The following AUTS2 variants were observed in gnomAD, a reference collection of about 807,000 sequenced individuals.
AUTS2 encodes activator of transcription and developmental regulator AUTS2.
AUTS2 carries 17 observed loss-of-function variants against 112.4 expected under a neutral mutation model. The observed-to-expected ratio is 0.15, with a 90% CI of 0.10 to 0.23. AUTS2 has a LOEUF of 0.23. Ranked by LOEUF, AUTS2 falls within the 10% of genes least tolerant of loss-of-function variation. AUTS2 has a pLI of 1.00. For synonymous variants in AUTS2, 751 were observed against 702.7 expected (o/e 1.07, Z -1.09); for missense variants, 1,510 against 1,701.6 (o/e 0.89, Z 1.98).
intron 2 of AUTS2, among the ~76,000 whole-genome samples, chr7:69,972,623 A>T (rs1043286717): frequency 6.6e-6 from 1 of 151,856 alleles, no homozygotes. Flanking sequence ...AATTTTTTAT[A>T]AGATATGAAA....
At chr7:70,304,620 C>T (rs764997812) in intron 4 of AUTS2, among the ~76,000 whole-genome samples, 8 of 151,964 alleles carry the variant, frequency 5.3e-5, no homozygotes, top group Non-Finnish European at 1.0e-4. Context: ...GGGAAAACTT[C>T]CTGTTGTGAG....
intron 5 of AUTS2, among the ~76,000 whole-genome samples, chr7:70,472,542 T>C (rs1585186090): frequency 6.6e-6 from 1 of 152,238 alleles, no homozygotes; most frequent in East Asian, 1.9e-4. Context: ...TGCATGTAAG[T>C]GTACTAAAAT....
chr7:70,271,060 T>G (rs187898841), intron 4 of AUTS2, among the ~76,000 whole-genome samples: 2 of 151,884 alleles, frequency 1.3e-5, no homozygotes, highest in African/African-American at 4.8e-5. Flanking sequence ...CACCCCGGAG[T>G]TCAGGCTTCT....
chr7:70,222,821 C>T (rs1047916754), intron 4 of AUTS2, among the ~76,000 whole-genome samples: 15 of 151,514 alleles, frequency 9.9e-5, no homozygotes, highest in Non-Finnish European at 2.9e-5. Flanking sequence ...GTTTGCAAAC[C>T]AACTCATAAA....
chr7:69,926,449 A>G (rs151181858), intron 2 of AUTS2, among the ~76,000 whole-genome samples: 560 of 48,700 alleles, frequency 0.011, 2 homozygotes, highest in East Asian at 0.042. Flanking sequence ...CTGTCTGTCT[A>G]TCTATCTATC....
At chr7:70,444,288 A>G (rs1480561477) in intron 5 of AUTS2, among the ~76,000 whole-genome samples, 1 of 150,998 alleles carries the variant, frequency 6.6e-6, no homozygotes. Flanking sequence ...CTTATACTGT[A>G]TTAGGGTTGC....
rs920202603 is a variant in AUTS2, at chr7:70,793,103, G to GC, written c.*2107_*2108insC. The GC allele has an allele frequency of 3.3e-5, 5 of 151,718 alleles. No individual in the cohort carries two copies. The highest frequency in any genetic ancestry group is 1.2e-4 in the African/African-American group (5 of 41,300). 9.4% of individuals were successfully genotyped at this position (151,718 alleles called of 1,614,324 possible). A position where few individuals can be genotyped will look rare whatever the true frequency, so the allele number is the denominator to read the frequency against. ...TTGTGGTTTGTTTTTTGAGGAGGGG[G>GC]GGTTCTGTTAGTTTTTCGTATGTCC... is the stretch of plus-strand genomic sequence containing the variant. On this transcript the variant is annotated 3_prime_UTR_variant, in exon 19 of 19. Coordinates refer to ENST00000342771, the MANE Select transcript of AUTS2 (RefSeq NM_015570.4).
intron 2 of AUTS2, among the ~76,000 whole-genome samples, chr7:70,007,754 A>G (rs913299094): frequency 1.3e-5 from 2 of 152,230 alleles, no homozygotes. Flanking sequence ...TTCAAAGCTC[A>G]TGCTGTTTGT....
chr7:69,679,094 T>A (rs945359246), intron 1 of AUTS2, among the ~76,000 whole-genome samples: 2 of 152,232 alleles, frequency 1.3e-5, no homozygotes, highest in Non-Finnish European at 2.9e-5. Flanking sequence ...AACTATATTA[T>A]CAGGTGTTGG....
At chr7:70,576,762 G>A (rs532159485) in intron 5 of AUTS2, among the ~76,000 whole-genome samples, 43 of 127,050 alleles carry the variant, frequency 3.4e-4, no homozygotes, top group Admixed American at 7.3e-4. Flanking sequence ...TAGTCTTTTC[G>A]TAATATATTA....
intron 4 of AUTS2, among the ~76,000 whole-genome samples, chr7:70,375,029 C>A (rs1464719420): frequency 6.6e-6 from 1 of 152,176 alleles, no homozygotes; most frequent in Non-Finnish European, 1.5e-5. Context: ...CCGATGCTCC[C>A]TGCACCTTTG....
intron 1 of AUTS2, among the ~76,000 whole-genome samples, chr7:69,734,264 T>G (rs1203116785): frequency 1.3e-5 from 2 of 152,012 alleles, no homozygotes; most frequent in African/African-American, 4.8e-5. Flanking sequence ...AACGAAGAGC[T>G]CTTCCACGTG....
At chr7:69,700,898 T>A (rs1474091440) in intron 1 of AUTS2, among the ~76,000 whole-genome samples, 1 of 152,204 alleles carries the variant, frequency 6.6e-6, no homozygotes, top group Non-Finnish European at 1.5e-5. Flanking sequence ...TCCTGTTAAT[T>A]GGTTCTTGGA....
intron 2 of AUTS2, among the ~76,000 whole-genome samples, chr7:69,995,276 CTT>C (rs975866061): frequency 6.6e-6 from 1 of 152,160 alleles, no homozygotes; most frequent in African/African-American, 2.4e-5. Context: ...CTACCCCTAA[CTT>C]TATATAAAAG....
chr7:69,860,300 A>G (rs966395448), intron 1 of AUTS2, among the ~76,000 whole-genome samples: 1 of 152,038 alleles, frequency 6.6e-6, no homozygotes, highest in Non-Finnish European at 1.5e-5. Context: ...CACCATGGTG[A>G]TATCTGAAGG....
intron 2 of AUTS2, among the ~76,000 whole-genome samples, chr7:69,909,154 A>G (rs1795259615): frequency 6.6e-6 from 1 of 152,240 alleles, no homozygotes; most frequent in Non-Finnish European, 1.5e-5. Context: ...TTTTATCAAT[A>G]ATTGGATCAT....
intron 1 of AUTS2, among the ~76,000 whole-genome samples, chr7:69,866,715 C>T (rs1221971988): frequency 1.3e-5 from 2 of 152,134 alleles, no homozygotes; most frequent in African/African-American, 2.4e-5. Flanking sequence ...CAGCAGAAGA[C>T]GATGGTTAGA....
chr7:69,700,447 AT>A (rs1425182458), intron 1 of AUTS2, among the ~76,000 whole-genome samples: 1 of 150,662 alleles, frequency 6.6e-6, no homozygotes, highest in Admixed American at 6.6e-5. Flanking sequence ...ATTGGGTTAG[AT>A]GGTTTGAGGA....
At chr7:69,962,231 A>T (rs1443474838) in intron 2 of AUTS2, among the ~76,000 whole-genome samples, 1 of 151,858 alleles carries the variant, frequency 6.6e-6, no homozygotes, top group South Asian at 2.1e-4. Context: ...TCCCTTAAGG[A>T]CTCTAAACCA....
Sources: allele counts gnomAD v4.1 joint callset (sites outside exome capture counted in the v4.1 genomes callset), GRCh38; gene constraint gnomAD v4.1.1; transcripts MANE v1.5; gene names NCBI Gene and HGNC (gene_info 2026-07-23, HGNC 2026-07-21).